The following AKR1C3 variants were observed in gnomAD, a reference collection of about 807,000 sequenced individuals.
The protein encoded by AKR1C3 is 3-alpha hydroxysteroid dehydrogenase, type II.
In AKR1C3, 48 loss-of-function variants were observed where a neutral mutation model predicts 43.6. That is an observed-to-expected ratio of 1.10 (90% CI 0.87 to 1.40). The LOEUF (loss-of-function observed/expected upper bound fraction) is 1.40. Among genes scored for constraint, AKR1C3 ranks in the 40% most tolerant of loss-of-function variants. The probability of loss-of-function intolerance (pLI) is 0.00; values close to 1 mark genes in which losing one functional copy is unlikely to be tolerated. For missense variants in AKR1C3, 482 were observed against 391.2 expected (o/e 1.23, Z -1.96); for synonymous variants, 162 against 139.6 (o/e 1.16, Z -1.13).
intron 7 of AKR1C3, among the ~76,000 whole-genome samples, chr10:5,104,588 T>G (rs1485588191): frequency 6.6e-6 from 1 of 152,166 alleles, no homozygotes; most frequent in Non-Finnish European, 1.5e-5. Flanking sequence ...TTATATGAAA[T>G]TTTGAAACAT....
intron 8 of AKR1C3, 48 bp from the exon 9 acceptor site, chr10:5,107,413 C>T (rs1260398620): frequency 5.5e-6 from 7 of 1,275,850 alleles, no homozygotes; most frequent in African/African-American, 1.5e-5. Context: ...TACTACTCCC[C>T]TAGTAATGGA....
intron 1 of AKR1C3, among the ~76,000 whole-genome samples, chr10:5,049,447 C>T (rs948641573): frequency 6.6e-6 from 1 of 152,012 alleles, no homozygotes; most frequent in Non-Finnish European, 1.5e-5. Context: ...AGAAAATTAC[C>T]AGAGGATATA....
In AKR1C3 at chr10:5,048,827, C is replaced by T. The variant is rs782373396; in HGVS notation, c.16C>T (p.Gln6Ter). 3 of 1,613,602 alleles carry T rather than the reference C, an allele frequency of 1.9e-6. No homozygotes were observed. The African/African-American group carries it at 4.0e-5, about 22-fold the overall frequency. ...AGTGACAGTGATGGATTCAAAACAT[C>T]AGTGTTTGAAGCTAAATGATGGTCA... is the stretch of plus-strand genomic sequence containing the variant. The change falls in exon 1 of 9, where the codon CAG becomes TAG. Residue 6 changes from glutamine (Q) to a stop codon, truncating the protein, a stop_gained. Transcript: ENST00000439082. LOFTEE classifies it high-confidence loss of function.
chr10:5,086,459 G>A (rs1435795962), intron 1 of AKR1C3, among the ~76,000 whole-genome samples: 1 of 151,624 alleles, frequency 6.6e-6, no homozygotes, highest in Admixed American at 6.6e-5. Flanking sequence ...TATAATTTCT[G>A]TTCTTTTACA....
chr10:5,106,120 T>C (rs1016435238), intron 8 of AKR1C3, among the ~76,000 whole-genome samples: 38 of 152,318 alleles, frequency 2.5e-4, no homozygotes, highest in African/African-American at 9.1e-4. Flanking sequence ...ACCTCCTTCA[T>C]ATGGAATTGC....
At chr10:5,099,694 C>T in intron 5 of AKR1C3, 1 of 580,400 alleles carries the variant, frequency 1.7e-6, no homozygotes. Flanking sequence ...TCCATTTGAT[C>T]AGGGAGGCCT....
chr10:5,058,957 C>T (rs538485451), intron 1 of AKR1C3, among the ~76,000 whole-genome samples: 2 of 152,172 alleles, frequency 1.3e-5, no homozygotes, highest in Admixed American at 6.5e-5. Context: ...GATGTTATGC[C>T]CCAAAAATGA....
Position 5,072,599 on chromosome 10 carries a change from G to A in AKR1C3, c.84+23704G>A, listed in dbSNP as rs538727950. Among the ~76,000 whole-genome samples, 5 of 152,278 alleles carry A rather than the reference G, an allele frequency of 3.3e-5. No homozygotes were observed. In the East Asian group the frequency reaches 9.7e-4, roughly 29 times the overall value. Reference sequence around the variant, plus strand: ...AACTCTTTGGAAATGAAAATATCAAGAAAGATAACTTCCTATCTCCATGGG... The same window carrying A: ...AACTCTTTGGAAATGAAAATATCAAAAAAGATAACTTCCTATCTCCATGGG... On this transcript the variant is annotated intron_variant, in intron 1 of 8. Transcript: ENST00000439082.
intron 7 of AKR1C3, among the ~76,000 whole-genome samples, chr10:5,103,309 G>T (rs1839405766): frequency 6.8e-6 from 1 of 146,906 alleles, no homozygotes; most frequent in Non-Finnish European, 1.5e-5. Flanking sequence ...TATTCACTTG[G>T]AGTTTTCTGT....
At chr10:5,071,234 G>C (rs1198332635) in intron 1 of AKR1C3, among the ~76,000 whole-genome samples, 1 of 152,226 alleles carries the variant, frequency 6.6e-6, no homozygotes, top group East Asian at 1.9e-4. Context: ...GATCTCATTG[G>C]ATGAGAGCCT....
intron 1 of AKR1C3, among the ~76,000 whole-genome samples, chr10:5,068,469 A>T (rs1838553829): frequency 6.6e-6 from 1 of 151,576 alleles, no homozygotes; most frequent in African/African-American, 2.4e-5. Context: ...CAAAATGATG[A>T]CTCAGAAATT....
intron 1 of AKR1C3, among the ~76,000 whole-genome samples, chr10:5,058,913 G>A (rs1248424051): frequency 2.0e-5 from 3 of 152,242 alleles, no homozygotes; most frequent in Admixed American, 6.5e-5. Flanking sequence ...AGCATTCACC[G>A]GTTAGTATTA....
At chr10:5,105,574 A>AAAG in intron 7 of AKR1C3, 21 bp from the exon 8 acceptor site, 1 of 1,598,954 alleles carries the variant, frequency 6.3e-7, no homozygotes. Flanking sequence ...AAAAATAATA[A>AAAG]AAGTTTTTTA....
intron 6 of AKR1C3, 59 bp from the exon 7 acceptor site, chr10:5,102,426 A>T: frequency 8.1e-7 from 1 of 1,234,840 alleles, no homozygotes; most frequent in East Asian, 2.5e-5. Context: ...CTGTTTAGGG[A>T]GCCGCCTAAC....
chr10:5,087,741 A>G (rs1229155939), intron 1 of AKR1C3, among the ~76,000 whole-genome samples: 9 of 152,032 alleles, frequency 5.9e-5, no homozygotes, highest in South Asian at 4.2e-4. Flanking sequence ...CTAGCTGACT[A>G]TCAATTTTGT....
At chr10:5,050,945 G>A (rs192834488) in intron 1 of AKR1C3, among the ~76,000 whole-genome samples, 45 of 152,328 alleles carry the variant, frequency 3.0e-4, no homozygotes, top group Admixed American at 2.7e-3. Context: ...AGTGATGAGC[G>A]TATAACTTGC....
chr10:5,100,933 T>A (rs2131845413), intron 5 of AKR1C3, among the ~76,000 whole-genome samples: 1 of 152,316 alleles, frequency 6.6e-6, no homozygotes, highest in South Asian at 2.1e-4. Context: ...TATAATATTT[T>A]CAAAATCTCT....
chr10:5,092,584 T>C (rs1554784451), upstream of AKR1C3, among the ~76,000 whole-genome samples: 3 of 151,882 alleles, frequency 2.0e-5, no homozygotes, highest in Non-Finnish European at 4.4e-5. Context: ...TGAAATCCTC[T>C]AGTGAGATTT....
intron 1 of AKR1C3, among the ~76,000 whole-genome samples, chr10:5,071,649 C>G (rs1324414807): frequency 6.6e-6 from 1 of 152,142 alleles, no homozygotes; most frequent in Non-Finnish European, 1.5e-5. Context: ...ATAACCAAGC[C>G]CTGTTAAAGA....
Sources: gnomAD v4.1 joint callset for allele counts (sites outside exome capture counted in the v4.1 genomes callset) on GRCh38, gnomAD v4.1.1 for gene constraint, MANE v1.5 for transcripts, NCBI Gene and HGNC (gene_info 2026-07-23, HGNC 2026-07-21) for gene names.